LIPK: variants seen among roughly 807,000 people sequenced by gnomAD.
LIPK encodes the protein lipase family member K, also known as lipase member K.
A neutral mutation model predicts 48.6 loss-of-function variants in LIPK; 32 were observed. The ratio of observed to expected loss-of-function variants is 0.66; its 90% CI spans 0.50 to 0.88. The LOEUF is 0.88. LIPK is among the 40% of genes least tolerant of loss of function. The probability of loss-of-function intolerance (pLI) is 0.00; values close to 1 mark genes in which losing one functional copy is unlikely to be tolerated. For missense variants in LIPK, 507 were observed against 478.5 expected (o/e 1.06, Z -0.56); for synonymous variants, 164 against 157.4 (o/e 1.04, Z -0.32).
At chr10:88,728,542 C>T in intron 3 of LIPK, 1 of 376,354 alleles carries the variant, frequency 2.7e-6, no homozygotes, top group South Asian at 2.3e-5. Context: ...CTGGAGGCCG[C>T]CCTATAGCGG....
intron 1 of LIPK, among the ~76,000 whole-genome samples, chr10:88,714,293 A>T (rs117459204): frequency 0.013 from 2,014 of 152,288 alleles, 31 homozygotes; most frequent in East Asian, 0.056. Flanking sequence ...AAAACTGATC[A>T]TTTTAAACTA....
intron 6 of LIPK, among the ~76,000 whole-genome samples, chr10:88,736,514 A>C (rs1842574280): frequency 6.6e-6 from 1 of 152,128 alleles, no homozygotes; most frequent in African/African-American, 2.4e-5. Context: ...CATGTTTTCA[A>C]GTGTGACAAT....
intron 6 of LIPK, among the ~76,000 whole-genome samples, chr10:88,732,827 G>C (rs1012891494): frequency 1.3e-5 from 2 of 152,086 alleles, no homozygotes; most frequent in Non-Finnish European, 2.9e-5. Context: ...TTGATTGATT[G>C]GTTTGTTGAA....
chr10:88,727,860 T>C, intron 3 of LIPK: 1 of 375,340 alleles, frequency 2.7e-6, no homozygotes, highest in Non-Finnish European at 5.2e-6. Context: ...AAAGTGTGGT[T>C]CCTGGAGCAG....
At chr10:88,745,882 C>A (rs1842757431) in intron 9 of LIPK, among the ~76,000 whole-genome samples, 1 of 152,116 alleles carries the variant, frequency 6.6e-6, no homozygotes, top group Non-Finnish European at 1.5e-5. Flanking sequence ...CTACCTGAGA[C>A]CTATCTTGCA....
intron 2 of LIPK, 114 bp downstream of exon 2, chr10:88,724,762 C>G (rs186315200): frequency 3.8e-5 from 25 of 666,256 alleles, no homozygotes; most frequent in Admixed American, 1.3e-4. Context: ...GTGACTAAGT[C>G]TGTGCTTCCT....
chr10:88,719,093 G>T (rs1426619095), intron 1 of LIPK, among the ~76,000 whole-genome samples: 2 of 152,114 alleles, frequency 1.3e-5, no homozygotes, highest in Non-Finnish European at 2.9e-5. Context: ...ACTAGTTGAA[G>T]AACCAAGACA....
intron 1 of LIPK, among the ~76,000 whole-genome samples, chr10:88,709,043 G>A (rs993829103): frequency 6.6e-6 from 1 of 152,136 alleles, no homozygotes; most frequent in African/African-American, 2.4e-5. Context: ...TTAAGCATTA[G>A]GAGTAAAACT....
chr10:88,751,181 AC>A (rs1842857105), intron 9 of LIPK, among the ~76,000 whole-genome samples: 1 of 152,030 alleles, frequency 6.6e-6, no homozygotes, highest in Admixed American at 6.6e-5. Context: ...ATCTACGAAA[AC>A]TTTTAGAGAA....
intron 9 of LIPK, among the ~76,000 whole-genome samples, chr10:88,749,039 G>T (rs1842819734): frequency 6.6e-6 from 1 of 152,056 alleles, no homozygotes; most frequent in African/African-American, 2.4e-5. Flanking sequence ...GCCACAAAAA[G>T]AATAAAATGT....
At chr10:88,710,905 T>C (rs1357372981) in intron 1 of LIPK, among the ~76,000 whole-genome samples, 1 of 152,170 alleles carries the variant, frequency 6.6e-6, no homozygotes, top group African/African-American at 2.4e-5. Context: ...TTATAAACTA[T>C]AAATATATAT....
chr10:88,745,780 T>C (rs913827224), intron 9 of LIPK, among the ~76,000 whole-genome samples: 22 of 152,212 alleles, frequency 1.4e-4, no homozygotes, highest in Non-Finnish European at 8.8e-5. Context: ...CACATATTGA[T>C]ATTAACCTTG....
chr10:88,709,991 T>C (rs755386536), intron 1 of LIPK, among the ~76,000 whole-genome samples: 1 of 152,114 alleles, frequency 6.6e-6, no homozygotes, highest in Non-Finnish European at 1.5e-5. Context: ...TTGAAAGTTA[T>C]TGTATACTCT....
intron 9 of LIPK, among the ~76,000 whole-genome samples, chr10:88,749,191 G>A (rs2134796332): frequency 1.3e-5 from 2 of 152,194 alleles, no homozygotes; most frequent in Middle Eastern, 3.4e-3. Flanking sequence ...TGGCCATACT[G>A]TCCAAATCAA....
intron 6 of LIPK, among the ~76,000 whole-genome samples, chr10:88,735,787 G>T (rs1842559730): frequency 6.6e-6 from 1 of 152,186 alleles, no homozygotes; most frequent in African/African-American, 2.4e-5. Context: ...TCTACAAGTT[G>T]GCATGTTTGC....
In LIPK at chr10:88,740,035, A is replaced by G. The variant is rs746987463; in HGVS notation, c.856A>G (p.Thr286Ala). 6.2e-7 allele frequency: 1 copy of G among 1,612,790 alleles called. No homozygotes were observed. Among genetic ancestry groups the G allele is most frequent in the Admixed American group, 1.7e-5 (1 of 59,988 alleles). The change falls in exon 8 of 10, where the codon ACA (threonine) becomes GCA (alanine). Residue 286 changes from threonine to alanine, a missense_variant. Physicochemically the swap from Thr to Ala is moderately conservative, Grantham distance 58. Coordinates refer to ENST00000404190, the MANE Select transcript of LIPK (RefSeq NM_001080518.2). ...DVYLSHNPAGTSVQNMLHWAQ... is the reference protein window; with the variant it reads ...DVYLSHNPAGASVQNMLHWAQ... ...TTATTTGTCACACAATCCTGCGGGA[A>G]CATCTGTTCAGAATATGCTGCACTG...
chr10:88,743,336 C>G lies in LIPK; in HGVS notation c.960+15C>G, dbSNP rs1289268198. On this transcript the variant is annotated intron_variant, in intron 9 of 9. Transcript: ENST00000404190. ...ACTTCCATCAGGTACAAAAATAATC[C>G]TCATAATCAGTTCCATGCTGCAAAT... is the stretch of plus-strand genomic sequence containing the variant. 6.4e-7 allele frequency: 1 copy of G among 1,558,382 alleles called. No individual in the cohort carries two copies. The highest frequency in any genetic ancestry group is 8.7e-7 in the Non-Finnish European group (1 of 1,143,236).
chr10:88,717,939 C>T (rs1206808521), intron 1 of LIPK, among the ~76,000 whole-genome samples: 1 of 151,270 alleles, frequency 6.6e-6, no homozygotes, highest in Non-Finnish European at 1.5e-5. Context: ...TTCCTGGCTC[C>T]TTTCTTTAAC....
chr10:88,718,374 A>G (rs1316197923), intron 1 of LIPK, among the ~76,000 whole-genome samples: 9 of 149,052 alleles, frequency 6.0e-5, no homozygotes, highest in Admixed American at 4.0e-4. Context: ...AAAATTATAT[A>G]TTATATATAT....
Sources: allele counts gnomAD v4.1 joint callset (sites outside exome capture counted in the v4.1 genomes callset), GRCh38; gene constraint gnomAD v4.1.1; transcripts MANE v1.5; gene names NCBI Gene and HGNC (gene_info 2026-07-23, HGNC 2026-07-21).